UBE2D1: variants seen among roughly 807,000 people sequenced by gnomAD.
UBE2D1 encodes the protein ubiquitin-conjugating enzyme E2 D1.
In UBE2D1, 9 loss-of-function variants were observed where a neutral mutation model predicts 24.6. The ratio of observed to expected loss-of-function variants is 0.37; its 90% CI spans 0.22 to 0.64. The LOEUF (loss-of-function observed/expected upper bound fraction) is 0.64. UBE2D1 is among the 30% of genes least tolerant of loss of function. The pLI, the probability that UBE2D1 is intolerant of heterozygous loss-of-function variation, is 0.64. For missense variants in UBE2D1, 87 were observed against 177.1 expected, an observed-to-expected ratio of 0.49 and a Z score of 2.89; for synonymous variants, 57 against 57.6, an observed-to-expected ratio of 0.99 and a Z score of 0.04.
intron 1 of UBE2D1, among the ~76,000 whole-genome samples, chr10:58,353,807 A>G (rs181883832): frequency 2.0e-5 from 3 of 152,202 alleles, no homozygotes; most frequent in Non-Finnish European, 4.4e-5. Context: ...CTGCATATCT[A>G]TATAAAAGAA....
chr10:58,347,462 C>T (rs1840028881), intron 1 of UBE2D1, among the ~76,000 whole-genome samples: 1 of 152,008 alleles, frequency 6.6e-6, no homozygotes, highest in Non-Finnish European at 1.5e-5. Flanking sequence ...AGAGTGTGAT[C>T]AAGAGTCCGC....
At chr10:58,352,317 A>G (rs1170253547) in intron 1 of UBE2D1, among the ~76,000 whole-genome samples, 1 of 152,136 alleles carries the variant, frequency 6.6e-6, no homozygotes, top group Non-Finnish European at 1.5e-5. Context: ...AACTTTCTGT[A>G]TTAAGGCTTT....
At chr10:58,362,460 T>C (rs940659601) in intron 3 of UBE2D1, among the ~76,000 whole-genome samples, 4 of 152,206 alleles carry the variant, frequency 2.6e-5, no homozygotes. Context: ...ATAACAACTT[T>C]CAATAAGAAT....
intron 1 of UBE2D1, among the ~76,000 whole-genome samples, chr10:58,341,224 G>C (rs1174836640): frequency 1.3e-5 from 2 of 152,138 alleles, no homozygotes; most frequent in East Asian, 1.9e-4. Context: ...ATAACTTTTT[G>C]AATTGACAGA....
In UBE2D1 at chr10:58,335,014, G is replaced by T; in HGVS notation, c.-188G>T. 5.2e-6 allele frequency: 3 copies of T among 572,534 alleles called. No individual in the cohort carries two copies. The Admixed American group carries it at 1.2e-4, about 22-fold the overall frequency. 35.5% of individuals were successfully genotyped at this position (572,534 alleles called of 1,614,324 possible). A position where few individuals can be genotyped will look rare whatever the true frequency, so the allele number is the denominator to read the frequency against. ...CGCCGGCGTCCCCGCCCGCACACTC[G>T]CGCACACTCGCGCTCGGGCGCACAC... is the stretch of plus-strand genomic sequence containing the variant. On this transcript the variant is annotated 5_prime_UTR_variant, in exon 1 of 7. Transcript: ENST00000373910.
At chr10:58,343,803 A>C (rs1291716133) in intron 1 of UBE2D1, among the ~76,000 whole-genome samples, 1 of 152,238 alleles carries the variant, frequency 6.6e-6, no homozygotes, top group African/African-American at 2.4e-5. Flanking sequence ...ACTATATGCC[A>C]GTTATTAGGT....
chr10:58,348,190 C>T (rs1264440234), intron 1 of UBE2D1, among the ~76,000 whole-genome samples: 1 of 152,128 alleles, frequency 6.6e-6, no homozygotes, highest in East Asian at 1.9e-4. Context: ...TTGAAGTCTT[C>T]CAGGAAGAAT....
chr10:58,350,263 C>A (rs1167950073), intron 1 of UBE2D1, among the ~76,000 whole-genome samples: 1 of 152,174 alleles, frequency 6.6e-6, no homozygotes, highest in East Asian at 1.9e-4. Flanking sequence ...TGCTTCAAAT[C>A]TTTGCCAACA....
At chr10:58,357,357 A>G (rs1286550849) in intron 1 of UBE2D1, among the ~76,000 whole-genome samples, 1 of 152,204 alleles carries the variant, frequency 6.6e-6, no homozygotes, top group Non-Finnish European at 1.5e-5. Flanking sequence ...ATCAGGTAGT[A>G]AGGCAGTTCC....
At chr10:58,354,960 A>T (rs1840115280) in intron 1 of UBE2D1, among the ~76,000 whole-genome samples, 1 of 152,394 alleles carries the variant, frequency 6.6e-6, no homozygotes, top group South Asian at 2.1e-4. Context: ...TATTTTCCAA[A>T]CAAAAAAGTA....
Position 58,368,771 on chromosome 10 carries a change from A to G in UBE2D1, c.*6A>G. Reference sequence around the variant, plus strand: ...CTCAGAAATATGCAATGTAAAAATCAAAAACATTTTCATATATACCAGAGT... The same window carrying G: ...CTCAGAAATATGCAATGTAAAAATCGAAAACATTTTCATATATACCAGAGT... On this transcript the variant is annotated 3_prime_UTR_variant, in exon 7 of 7. Coordinates refer to ENST00000373910, the MANE Select transcript of UBE2D1 (RefSeq NM_003338.5). 1 of 1,581,732 alleles carries G rather than the reference A, an allele frequency of 6.3e-7. No individual in the cohort carries two copies. The highest frequency in any genetic ancestry group is 1.4e-5 in the African/African-American group (1 of 73,674).
chr10:58,351,986 G>T (rs1416392032), intron 1 of UBE2D1, among the ~76,000 whole-genome samples: 2 of 152,088 alleles, frequency 1.3e-5, no homozygotes, highest in African/African-American at 4.8e-5. Flanking sequence ...ATTTGAGGTA[G>T]GGGGATCAAG....
rs560582838 is a variant in UBE2D1, at chr10:58,367,092, T to C, written c.305-831T>C. 2.6e-5 allele frequency among the ~76,000 whole-genome samples: 4 copies of C among 152,260 alleles called. No individual in the cohort carries two copies. The South Asian group carries it at 6.2e-4, about 24-fold the overall frequency. ...ACACCCCCCCACCCTTTGCCTGTCA[T>C]TGTAAGAGTCAACTCTGCTCTATAA... is the stretch of plus-strand genomic sequence containing the variant. On this transcript the variant is annotated intron_variant, in intron 5 of 6. Coordinates refer to ENST00000373910, the MANE Select transcript of UBE2D1 (RefSeq NM_003338.5).
chr10:58,367,725 C>T (rs1304892502), intron 5 of UBE2D1, among the ~76,000 whole-genome samples, 198 bp from the exon 6 acceptor site: 1 of 151,976 alleles, frequency 6.6e-6, no homozygotes, highest in Non-Finnish European at 1.5e-5. Context: ...TTTTATGCAT[C>T]CTATGGTAAT....
chr10:58,358,064 T>A (rs1474736050), intron 1 of UBE2D1, among the ~76,000 whole-genome samples: 1 of 151,944 alleles, frequency 6.6e-6, no homozygotes, highest in Non-Finnish European at 1.5e-5. Flanking sequence ...TTTTAAAGGG[T>A]TTTGAAGAAC....
At position 58,369,047 on chromosome 10, in the gene UBE2D1, C is replaced by A. The variant is rs7084674; in HGVS notation, c.*282C>A. 6.2e-3 allele frequency: 1,407 copies of A among 225,912 alleles called. 16 individuals carry two copies. Among genetic ancestry groups the A allele is most frequent in the African/African-American group, 0.029 (1,286 of 44,406 alleles). 14.0% of individuals were successfully genotyped at this position (225,912 alleles called of 1,614,324 possible). A position where few individuals can be genotyped will look rare whatever the true frequency, so the allele number is the denominator to read the frequency against. On this transcript the variant is annotated 3_prime_UTR_variant, in exon 7 of 7. Transcript: ENST00000373910. The stretch of plus-strand genomic sequence containing the variant: ...TCTTCAGCTTACAAGATCTACAATG[C>A]AGCTGAAAAGCAACCAAATTATTTT...
In UBE2D1 at chr10:58,370,199, T is replaced by C. The variant is rs977342288; in HGVS notation, c.*1434T>C. 5 of 152,224 alleles carry C rather than the reference T, an allele frequency of 3.3e-5. No homozygotes were observed. The South Asian group carries it at 1.0e-3, about 32-fold the overall frequency. The allele number at this position is 152,224 out of a possible 1,614,324, so 9.4% of individuals were successfully genotyped here. On this transcript the variant is annotated 3_prime_UTR_variant, in exon 7 of 7. Transcript: ENST00000373910. ...ACTAGAAAGTTTTAATGTTTTAACT[T>C]GGGGAAAAATACATCTCTTTAATGT...
chr10:58,347,397 T>C (rs2132319405), intron 1 of UBE2D1, among the ~76,000 whole-genome samples: 1 of 152,308 alleles, frequency 6.6e-6, no homozygotes, highest in Non-Finnish European at 1.5e-5. Context: ...ACTTTGGATT[T>C]GTCTAAAATC....
chr10:58,344,180 C>T (rs1405837335), intron 1 of UBE2D1, among the ~76,000 whole-genome samples: 1 of 152,210 alleles, frequency 6.6e-6, no homozygotes, highest in East Asian at 1.9e-4. Flanking sequence ...CATTCCTTCA[C>T]TTATCACACT....
Sources: gnomAD v4.1 joint callset for allele counts (sites outside exome capture counted in the v4.1 genomes callset) on GRCh38, gnomAD v4.1.1 for gene constraint, MANE v1.5 for transcripts, NCBI Gene and HGNC (gene_info 2026-07-23, HGNC 2026-07-21) for gene names.